The following EPHA6 variants were observed in gnomAD, a reference collection of about 807,000 sequenced individuals.
EPHA6 encodes EPH receptor A6, also known as ephrin type-A receptor 6.
EPHA6 carries 50 observed loss-of-function variants against 112.0 expected under a neutral mutation model. That is an observed-to-expected ratio of 0.45 (90% CI 0.36 to 0.56). The LOEUF is 0.56. EPHA6 is among the 20% of genes least tolerant of loss of function. The pLI is 0.00. For missense variants in EPHA6, 1,280 were observed against 1,417.4 expected (o/e 0.90, Z 1.56); for synonymous variants, 529 against 490.7 (o/e 1.08, Z -1.03).
intron 3 of EPHA6, among the ~76,000 whole-genome samples, chr3:97,214,009 G>C (rs1467299869): frequency 4.4e-5 from 6 of 135,926 alleles, no homozygotes; most frequent in Non-Finnish European, 7.4e-5. Flanking sequence ...GTGTGTGTGT[G>C]TGTGTGTGTG....
rs114798124 is a variant in EPHA6 at position 96,952,034 on chromosome 3, G to T, written c.451-35296G>T. On this transcript the variant is annotated intron_variant, in intron 2 of 17. Transcript: ENST00000389672. ...AGACTAGGTGGGTATACTTAATCTTGACAGTCAAGGTTCTTGGAAAATTTA... is the reference window on the plus strand; with the variant it reads ...AGACTAGGTGGGTATACTTAATCTTTACAGTCAAGGTTCTTGGAAAATTTA... Among the ~76,000 whole-genome samples, 817 of 152,168 alleles carry T rather than the reference G, an allele frequency of 5.4e-3. 8 individuals are homozygous for T. The highest frequency in any genetic ancestry group is 9.3e-3 in the Non-Finnish European group (633 of 67,980).
chr3:96,967,333 T>C lies in EPHA6; in HGVS notation c.451-19997T>C, dbSNP rs531694314. 1.7e-4 allele frequency among the ~76,000 whole-genome samples: 25 copies of C among 150,978 alleles called. No homozygotes were observed. The East Asian group carries it at 2.3e-3, about 14-fold the overall frequency. On this transcript the variant is annotated intron_variant, in intron 2 of 17. Transcript: ENST00000389672. ...TTACTGTATGTTTTAAAAATTATTA[T>C]AGTTTACTTTTTGTTTTATAATTAA...
chr3:96,882,484 T>G (rs1013548233), intron 2 of EPHA6, among the ~76,000 whole-genome samples: 2 of 152,112 alleles, frequency 1.3e-5, no homozygotes, highest in Non-Finnish European at 2.9e-5. Flanking sequence ...ATATTTGTAG[T>G]CTTTTATCCC....
rs186892006 is a variant in EPHA6, at chr3:97,526,323, G to A, written c.2201-6035G>A. 2.2e-3 allele frequency among the ~76,000 whole-genome samples: 340 copies of A among 152,340 alleles called. 1 individual carries two copies. The highest frequency in any genetic ancestry group is 6.8e-3 in the Middle Eastern group (2 of 294). On this transcript the variant is annotated intron_variant, in intron 10 of 17. Coordinates refer to ENST00000389672, the MANE Select transcript of EPHA6 (RefSeq NM_001080448.3). ...GAGGATCCACTGTGGAACAGAGGTT[G>A]GCAAAGCGTGTCAGGGAAACAGACA...
chr3:97,487,157 A>C (rs1179117114), intron 10 of EPHA6, among the ~76,000 whole-genome samples: 9 of 152,214 alleles, frequency 5.9e-5, no homozygotes, highest in Admixed American at 5.9e-4. Flanking sequence ...TGACAGTAGG[A>C]ATGGCAAGGA....
chr3:97,615,243 G>A (rs1209662525), intron 13 of EPHA6, among the ~76,000 whole-genome samples: 1 of 152,098 alleles, frequency 6.6e-6, no homozygotes, highest in Admixed American at 6.5e-5. Context: ...CAACTCTTGG[G>A]TCAGGAGATG....
chr3:96,980,123 G>T (rs1221747223), intron 2 of EPHA6, among the ~76,000 whole-genome samples: 1 of 152,162 alleles, frequency 6.6e-6, no homozygotes, highest in Non-Finnish European at 1.5e-5. Context: ...TGAAGTCCTT[G>T]CCCATGCCTA....
At chr3:97,276,890 C>A (rs1202442346) in intron 5 of EPHA6, among the ~76,000 whole-genome samples, 1 of 152,070 alleles carries the variant, frequency 6.6e-6, no homozygotes, top group East Asian at 1.9e-4. Flanking sequence ...CTCCAGCCAC[C>A]AATTGCTGGG....
intron 3 of EPHA6, among the ~76,000 whole-genome samples, chr3:97,182,317 T>G (rs1202991523): frequency 1.3e-5 from 2 of 149,052 alleles, no homozygotes; most frequent in Non-Finnish European, 3.0e-5. Context: ...ATCCACAAAT[T>G]TATTATTATA....
intron 3 of EPHA6, among the ~76,000 whole-genome samples, chr3:96,998,440 C>G (rs1273394123): frequency 6.6e-6 from 1 of 151,796 alleles, no homozygotes; most frequent in African/African-American, 2.4e-5. Context: ...TGATAAAGTT[C>G]TATGAGCAGT....
At chr3:97,097,329 T>C (rs1425767445) in intron 3 of EPHA6, among the ~76,000 whole-genome samples, 5 of 151,880 alleles carry the variant, frequency 3.3e-5, no homozygotes, top group Admixed American at 1.3e-4. Context: ...TATATTTTGC[T>C]TCCTGGCAGT....
chr3:97,623,804 A>G (rs977019804), intron 13 of EPHA6, among the ~76,000 whole-genome samples: 25 of 151,736 alleles, frequency 1.6e-4, no homozygotes, highest in African/African-American at 5.6e-4. Context: ...CATCCAAGCC[A>G]TAGCAATCAT....
intron 14 of EPHA6, among the ~76,000 whole-genome samples, chr3:97,670,470 A>G (rs927855505): frequency 1.3e-5 from 2 of 152,146 alleles, no homozygotes; most frequent in African/African-American, 4.8e-5. Flanking sequence ...CTTTCTTTCC[A>G]TAGAGTTTTC....
At chr3:97,018,805 T>C (rs1441074027) in intron 3 of EPHA6, among the ~76,000 whole-genome samples, 3 of 152,150 alleles carry the variant, frequency 2.0e-5, no homozygotes, top group Admixed American at 2.0e-4. Context: ...TAAACTCCCC[T>C]GGGGAAAGGG....
At chr3:97,480,544 T>G (rs1247207478) in intron 9 of EPHA6, among the ~76,000 whole-genome samples, 1 of 152,128 alleles carries the variant, frequency 6.6e-6, no homozygotes, top group African/African-American at 2.4e-5. Flanking sequence ...AGCAAGGGGT[T>G]GGGGGTAAGG....
At chr3:97,391,848 T>C (rs2086416909) in intron 5 of EPHA6, among the ~76,000 whole-genome samples, 1 of 151,944 alleles carries the variant, frequency 6.6e-6, no homozygotes, top group Non-Finnish European at 1.5e-5. Flanking sequence ...CTAAAATGCC[T>C]AATGTTATTC....
At chr3:97,028,767 CATT>C (rs1352832909) in intron 3 of EPHA6, among the ~76,000 whole-genome samples, 2 of 151,858 alleles carry the variant, frequency 1.3e-5, no homozygotes, top group African/African-American at 4.8e-5. Context: ...TATGATTTCT[CATT>C]AATACAACTT....
chr3:97,395,641 A>G (rs2086655390), intron 5 of EPHA6, among the ~76,000 whole-genome samples: 1 of 151,724 alleles, frequency 6.6e-6, no homozygotes, highest in Non-Finnish European at 1.5e-5. Flanking sequence ...TGTATTATTT[A>G]TTTTATTTTA....
intron 11 of EPHA6, among the ~76,000 whole-genome samples, chr3:97,560,901 G>A (rs1237109752): frequency 2.0e-5 from 3 of 151,804 alleles, no homozygotes; most frequent in African/African-American, 4.8e-5. Context: ...ATATCTCTGT[G>A]TCACATTTTG....
Sources: allele counts gnomAD v4.1 joint callset (sites outside exome capture counted in the v4.1 genomes callset), GRCh38; gene constraint gnomAD v4.1.1; transcripts MANE v1.5; gene names NCBI Gene and HGNC (gene_info 2026-07-23, HGNC 2026-07-21).